Variants in MYO18B observed in about 807,000 individuals in gnomAD.
The protein encoded by MYO18B is unconventional myosin-XVIIIb.
Under a neutral mutation model 273.0 loss-of-function variants are expected in MYO18B, and 204 were observed. The ratio of observed to expected loss-of-function variants is 0.75; its 90% CI spans 0.67 to 0.84. The LOEUF is 0.84. Ranked by LOEUF, MYO18B falls within the 40% of genes least tolerant of loss-of-function variation. The pLI is 0.00. For missense variants in MYO18B, 3,212 were observed against 3,287.6 expected, an observed-to-expected ratio of 0.98 and a Z score of 0.56; for synonymous variants, 1,330 against 1,305.7, an observed-to-expected ratio of 1.02 and a Z score of -0.40.
At chr22:25,911,994 A>C (rs573552700) in intron 33 of MYO18B, among the ~76,000 whole-genome samples, 1 of 152,208 alleles carries the variant, frequency 6.6e-6, no homozygotes, top group Non-Finnish European at 1.5e-5. Flanking sequence ...TTTGCTTAAC[A>C]TGGGTTCGAT....
At chr22:25,815,035 C>G (rs1052821954) in intron 12 of MYO18B, among the ~76,000 whole-genome samples, 3 of 152,224 alleles carry the variant, frequency 2.0e-5, no homozygotes, top group African/African-American at 7.2e-5. Context: ...AAATGGAATT[C>G]ATAATCATGC....
At chr22:26,001,221 A>G (rs1030697035) in intron 40 of MYO18B, among the ~76,000 whole-genome samples, 1 of 152,232 alleles carries the variant, frequency 6.6e-6, no homozygotes, top group Non-Finnish European at 1.5e-5. Context: ...GTTAAGGTAG[A>G]AAAAGCATTG....
At chr22:25,977,346 TGGGTTGC>T (rs2093101902) in intron 39 of MYO18B, among the ~76,000 whole-genome samples, 1 of 152,074 alleles carries the variant, frequency 6.6e-6, no homozygotes, top group African/African-American at 2.4e-5. Context: ...TATTTGTATC[TGGGTTGC>T]TGTGTCTGTA....
rs117314996 is a variant in MYO18B, at chr22:26,022,496, G to A, written c.6471-3949G>A. On this transcript the variant is annotated intron_variant, in intron 42 of 43. Coordinates refer to ENST00000335473, the MANE Select transcript of MYO18B (RefSeq NM_032608.7). The stretch of plus-strand genomic sequence containing the variant: ...GGAACTTTATACCTTGAGAGGTGGT[G>A]CAGACAGGAAGTAGAAAAAGCACTT... 3.3e-4 allele frequency among the ~76,000 whole-genome samples: 51 copies of A among 152,296 alleles called. No homozygotes were observed. In the East Asian group the frequency reaches 8.9e-3, roughly 27 times the overall value.
Position 25,950,353 on chromosome 22 carries a change from T to G in MYO18B, c.5749-14T>G. ...CAGGGTGATATATATACATTTTTTT[T>G]TTTGTCTCACCAGTCTGCTGCTGAC... On this transcript the variant is annotated splice_polypyrimidine_tract_variant and intron_variant, in intron 36 of 43. Transcript: ENST00000335473. The G allele has an allele frequency of 6.3e-7, 1 of 1,575,036 alleles. No individual in the cohort carries two copies. The highest frequency in any genetic ancestry group is 1.4e-5 in the African/African-American group (1 of 73,676).
chr22:25,956,208 G>A (rs1279867817), intron 39 of MYO18B, among the ~76,000 whole-genome samples: 2 of 148,340 alleles, frequency 1.3e-5, no homozygotes, highest in East Asian at 2.0e-4. Context: ...ATGGACCGAG[G>A]AACCTTTTTT....
the MYO18B span, among the ~76,000 whole-genome samples, chr22:26,042,874 A>G: frequency 3.3e-5 from 5 of 152,196 alleles, no homozygotes; most frequent in African/African-American, 1.2e-4. Context: ...CTGGTACACA[A>G]CAAAGCAATG....
rs185279083 is a variant in MYO18B, at chr22:25,753,911, A to T, written c.-109-7073A>T. Among the ~76,000 whole-genome samples, 1,390 of 152,266 alleles carry T rather than the reference A, an allele frequency of 9.1e-3. 15 individuals are homozygous for T. The highest frequency in any genetic ancestry group is 0.02 in the Middle Eastern group (6 of 294). ...ATTCTTGAAGTTAGCGAGACCAAGA[A>T]CCCGCCAATTCCAGACACAGGGTCT... On this transcript the variant is annotated intron_variant, in intron 1 of 43. Transcript: ENST00000335473.
intron 26 of MYO18B, 59 bp downstream of exon 26, chr22:25,890,934 T>G: frequency 1.3e-6 from 2 of 1,575,940 alleles, no homozygotes; most frequent in Non-Finnish European, 1.7e-6. Context: ...TGGTTGGGTC[T>G]GCTCCCCGAC....
chr22:25,985,786 C>T (rs1472209536), intron 39 of MYO18B, among the ~76,000 whole-genome samples: 3 of 152,068 alleles, frequency 2.0e-5, no homozygotes, highest in African/African-American at 4.8e-5. Flanking sequence ...CATGCCACCA[C>T]ACTCGGCTAA....
At chr22:25,891,553 G>C (rs936406337) in intron 27 of MYO18B, 141 bp downstream of exon 27, 3 of 626,764 alleles carry the variant, frequency 4.8e-6, no homozygotes, top group South Asian at 3.9e-5. Flanking sequence ...CAGGCACAGC[G>C]TACTCTCTTG....
intron 25 of MYO18B, among the ~76,000 whole-genome samples, chr22:25,889,647 T>A (rs2091603512): frequency 6.6e-6 from 1 of 151,910 alleles, no homozygotes; most frequent in Non-Finnish European, 1.5e-5. Flanking sequence ...TTTCTCTGCC[T>A]CTTAGCCATA....
chr22:25,776,009 C>A lies in MYO18B; in HGVS notation c.1870-1574C>A, dbSNP rs368772714. Among the ~76,000 whole-genome samples, 2 of 152,136 alleles carry A rather than the reference C, an allele frequency of 1.3e-5. 1 individual carries two copies. Among genetic ancestry groups the A allele is most frequent in the South Asian group, 4.2e-4 (2 of 4,818 alleles). On this transcript the variant is annotated intron_variant, in intron 7 of 43. Transcript: ENST00000335473. ...TGACAATCAATTACATGACAGTTCCCGTCACCCCCAAAAGTTCTCTGGGCC... is the reference window on the plus strand; with the variant it reads ...TGACAATCAATTACATGACAGTTCCAGTCACCCCCAAAAGTTCTCTGGGCC...
chr22:25,825,901 C>T (rs1569074713), intron 13 of MYO18B, among the ~76,000 whole-genome samples: 2 of 152,158 alleles, frequency 1.3e-5, no homozygotes, highest in Non-Finnish European at 2.9e-5. Flanking sequence ...AAATTTCTCT[C>T]CAGAAAAAGG....
At chr22:26,033,173 C>T (rs1363348712), downstream of MYO18B, among the ~76,000 whole-genome samples, 1 of 152,054 alleles carries the variant, frequency 6.6e-6, no homozygotes, top group Non-Finnish European at 1.5e-5. Context: ...GAGCCTGGAA[C>T]CTTTGAGTTT....
chr22:25,885,484 C>T (rs541073397), intron 25 of MYO18B, among the ~76,000 whole-genome samples: 1 of 152,156 alleles, frequency 6.6e-6, no homozygotes, highest in East Asian at 1.9e-4. Flanking sequence ...GTACAGGGCA[C>T]AGCAAGAGCA....
chr22:25,947,719 A>C lies in MYO18B; in HGVS notation c.5639A>C (p.Glu1880Ala). 6.2e-7 allele frequency: 1 copy of C among 1,612,978 alleles called. No individual in the cohort carries two copies. Residue 1880 changes from glutamate to alanine, a missense_variant, in exon 36 of 44, where the codon GAG (glutamate) becomes GCG (alanine). Transcript: ENST00000335473. ...NMTRNKSLVD[E>A]QLYRLQFEKA... is the part of the protein sequence containing the mutation. ...CTGATCTGCCTCCCCCAGGTGGATG[A>C]GCAGCTGTACAGGCTGCAGTTTGAG...
At chr22:25,763,417 T>A (rs1324604003) in intron 3 of MYO18B, 28 bp downstream of exon 3, 2 of 1,594,758 alleles carry the variant, frequency 1.3e-6, no homozygotes, top group Admixed American at 1.9e-5. Flanking sequence ...AGGAGGACCG[T>A]ATGCGTTTCC....
At chr22:25,836,803 A>G (rs2089915447) in intron 17 of MYO18B, among the ~76,000 whole-genome samples, 1 of 152,046 alleles carries the variant, frequency 6.6e-6, no homozygotes, top group South Asian at 2.1e-4. Flanking sequence ...TCTACTAAAA[A>G]TACAAAAAAT....
Sources: gnomAD v4.1 joint callset for allele counts (sites outside exome capture counted in the v4.1 genomes callset) on GRCh38, gnomAD v4.1.1 for gene constraint, MANE v1.5 for transcripts, NCBI Gene and HGNC (gene_info 2026-07-23, HGNC 2026-07-21) for gene names.